The following ZNF219 variants were observed in gnomAD, a reference collection of about 807,000 sequenced individuals.
ZNF219 encodes the protein zinc finger protein 219.
In ZNF219, 17 loss-of-function variants were observed where a neutral mutation model predicts 54.4. That is an observed-to-expected ratio of 0.31 (90% confidence interval 0.21 to 0.47). The LOEUF (loss-of-function observed/expected upper bound fraction) is 0.47. Ranked by LOEUF, ZNF219 falls within the 20% of genes least tolerant of loss-of-function variation. The pLI, the probability that ZNF219 is intolerant of heterozygous loss-of-function variation, is 1.00. For missense variants in ZNF219, 1,014 were observed against 1,062.3 expected (o/e 0.95, Z 0.63); for synonymous variants, 518 against 476.4 (o/e 1.09, Z -1.14).
Position 21,090,639 on chromosome 14 carries a change from C to T in ZNF219, c.2066G>A (p.Arg689Gln), listed in dbSNP as rs768695625. Residue 689 changes from arginine (R) to glutamine (Q), a missense_variant, in exon 5 of 5, where the codon CGA becomes CAA. Coordinates refer to ENST00000360947, the MANE Select transcript of ZNF219 (RefSeq NM_016423.3). The surrounding 1 kb of genome is among the most constrained non-coding windows in gnomAD (Gnocchi z 4.4). ...GGGAGGGGTCTCTCCTGATGGTACT[C>T]GGGCATAGGGCGGGGACGCGTCAGC... ...PQADASPPYA[R>Q]VPSGETPPSP... is the part of the protein sequence containing the mutation. 8.1e-6 allele frequency: 13 copies of T among 1,612,546 alleles called. No homozygotes were observed. Among genetic ancestry groups the T allele is most frequent in the East Asian group, 4.5e-5 (2 of 44,864 alleles).
upstream of ZNF219, chr14:21,103,329 C>T: frequency 6.7e-7 from 1 of 1,498,220 alleles, no homozygotes; most frequent in East Asian, 2.5e-5. Flanking sequence ...CCTTCGAGTC[C>T]AATAGGAAGT....
rs1213377390 is a variant in ZNF219 at position 21,098,443 on chromosome 14, G to GCCCGGCCCCCGCCCCCTC, written c.-233_-216dup. 3 of 748,510 alleles carry GCCCGGCCCCCGCCCCCTC rather than the reference G, an allele frequency of 4.0e-6. No individual in the cohort carries two copies. Among genetic ancestry groups the GCCCGGCCCCCGCCCCCTC allele is most frequent in the African/African-American group, 3.9e-5 (2 of 51,170 alleles). 46.4% of individuals were successfully genotyped at this position (748,510 alleles called of 1,614,324 possible). A position where few individuals can be genotyped will look rare whatever the true frequency, so the allele number is the denominator to read the frequency against. ...CCGGGCCCCGGCCCCCCCGCCCCCG[G>GCCCGGCCCCCGCCCCCTC]CCCGGCCCCCGCCCCCTCCCCGGTC... is the stretch of plus-strand genomic sequence containing the variant. On this transcript the variant is annotated 5_prime_UTR_variant, in exon 1 of 5. Coordinates refer to ENST00000360947, the MANE Select transcript of ZNF219 (RefSeq NM_016423.3).
At chr14:21,095,087 GA>G (rs1387018174) in intron 1 of ZNF219, among the ~76,000 whole-genome samples, 1 of 152,204 alleles carries the variant, frequency 6.6e-6, no homozygotes, top group African/African-American at 2.4e-5. Flanking sequence ...TCAGCAGAGA[GA>G]AAAGGCTCTG....
upstream of ZNF219, chr14:21,101,958 C>A: frequency 6.4e-7 from 1 of 1,551,684 alleles, no homozygotes; most frequent in Non-Finnish European, 8.7e-7. Context: ...AGCGCTGCCT[C>A]TTGGGCCTGG....
At position 21,093,080 on chromosome 14, in the gene ZNF219, C is replaced by T. The variant is rs1157586326; in HGVS notation, c.217G>A (p.Ala73Thr). Residue 73 changes from alanine to threonine, a missense_variant, in exon 3 of 5, where the codon GCT becomes ACT. By Grantham distance (58) the Ala-to-Thr change is moderately conservative. Transcript: ENST00000360947. ...CCTGGGTGCGCCCGCAGGTGCAAAG[C>T]AAGGATAGAGTTGAAGCGGAAGCGC... ...GKRFRFNSIL[A>T]LHLRAHPGAQ... is the part of the protein sequence containing the mutation. 1.9e-6 allele frequency: 3 copies of T among 1,604,160 alleles called. No individual in the cohort carries two copies. Among genetic ancestry groups the T allele is most frequent in the Non-Finnish European group, 2.5e-6 (3 of 1,176,660 alleles).
At chr14:21,102,395 T>C (rs925314857), upstream of ZNF219, 1 of 1,551,652 alleles carries the variant, frequency 6.4e-7, no homozygotes, top group Non-Finnish European at 8.7e-7. Context: ...CTGAGCTGGC[T>C]CACTGGCAGG....
chr14:21,093,805 C>T, intron 1 of ZNF219, 131 bp from the exon 2 acceptor site: 1 of 783,500 alleles, frequency 1.3e-6, no homozygotes, highest in South Asian at 1.6e-5. Flanking sequence ...CTTCTTGAGG[C>T]ACGAAGGGGC....
upstream of ZNF219, chr14:21,102,882 G>C: frequency 6.9e-7 from 1 of 1,457,732 alleles, no homozygotes; most frequent in Non-Finnish European, 9.1e-7. Context: ...GGGCAGGAGA[G>C]AAAAGAAGAG....
upstream of ZNF219, chr14:21,101,492 C>A (rs756018855): frequency 1.3e-6 from 2 of 1,509,618 alleles, no homozygotes; most frequent in Admixed American, 2.0e-5. Context: ...AGCATGTCCA[C>A]TTCTACCCAA....
intron 1 of ZNF219, 103 bp from the exon 2 acceptor site, chr14:21,093,777 A>G (rs1333217984): frequency 2.8e-6 from 3 of 1,078,404 alleles, no homozygotes; most frequent in Non-Finnish European, 4.1e-6. Context: ...CCCAAAACCA[A>G]TCCATTCTCC....
exon 1 of ZNF219, chr14:21,104,642 G>A (rs1464151155): frequency 1.3e-5 from 2 of 152,244 alleles, no homozygotes; most frequent in Non-Finnish European, 2.9e-5. Flanking sequence ...TGAGGATAGA[G>A]CGCAGCCTGG....
chr14:21,091,197 C>T, intron 4 of ZNF219, 57 bp from the exon 5 acceptor site: 1 of 1,539,264 alleles, frequency 6.5e-7, no homozygotes, highest in South Asian at 1.2e-5. Flanking sequence ...CGCACCCACC[C>T]GAATTTCGCC....
Position 21,092,184 on chromosome 14 carries a change from C to T in ZNF219, c.1113G>A (p.Glu371=). The T allele has an allele frequency of 6.9e-7, 1 of 1,440,396 alleles. No homozygotes were observed. The highest frequency in any genetic ancestry group is 9.1e-7 in the Non-Finnish European group (1 of 1,103,586). 89.2% of individuals were successfully genotyped at this position (1,440,396 alleles called of 1,614,324 possible). A position where few individuals can be genotyped will look rare whatever the true frequency, so the allele number is the denominator to read the frequency against. ...CCAAGAGGCTCGGGGGCTCACGGCG[C>T]TCGGCCGGGGTGGGAGCCGGGGCCA... is the stretch of plus-strand genomic sequence containing the variant. The part of the protein sequence containing the change: ...LLLAPAPTPA[E]RREPPSLLGY... Residue 371 remains glutamate (E), a synonymous_variant, in exon 3 of 5, where the codon GAG becomes GAA. Coordinates refer to ENST00000360947, the MANE Select transcript of ZNF219 (RefSeq NM_016423.3).
At chr14:21,103,635 C>G (rs11849129), upstream of ZNF219, 12,300 of 196,056 alleles carry the variant, frequency 0.063, 1,096 homozygotes, top group African/African-American at 0.22. Flanking sequence ...TTCGATCCAT[C>G]TCCTTTCTAC....
rs1183080274 is a variant in ZNF219 at position 21,098,587 on chromosome 14, C to T, written c.-359G>A. The stretch of plus-strand genomic sequence containing the variant: ...GGGAGCCGGGCTCTGGCTCCGGGGA[C>T]AGGGAGCTGGGGACCCCGGGAGCCG... On this transcript the variant is annotated 5_prime_UTR_variant, in exon 1 of 5. Transcript: ENST00000360947. The T allele has an allele frequency of 2.0e-6, 2 of 997,734 alleles. No individual in the cohort carries two copies. The highest frequency in any genetic ancestry group is 2.4e-6 in the Non-Finnish European group (2 of 837,352). 61.8% of individuals were successfully genotyped at this position (997,734 alleles called of 1,614,324 possible). A position where few individuals can be genotyped will look rare whatever the true frequency, so the allele number is the denominator to read the frequency against.
intron 3 of ZNF219, 52 bp from the exon 4 acceptor site, chr14:21,091,594 T>C (rs1394052057): frequency 6.4e-7 from 1 of 1,555,040 alleles, no homozygotes; most frequent in East Asian, 2.3e-5. Flanking sequence ...CCTGTCCAGG[T>C]GCCGCGCACC....
chr14:21,092,629 G>A lies in ZNF219; in HGVS notation c.668C>T (p.Ser223Phe). 6.4e-7 allele frequency: 1 copy of A among 1,558,342 alleles called. No homozygotes were observed. The highest frequency in any genetic ancestry group is 1.9e-5 in the Admixed American group (1 of 51,780). ...GAPERPLAATSAAPPPQPQPQ... is the reference protein window; with the variant it reads ...GAPERPLAATFAAPPPQPQPQ... ...CTGAGGCTGAGGCGGAGGCGCAGCG[G>A]AGGTGGCCGCCAGGGGACGCTCGGG... The change falls in exon 3 of 5, where the codon TCC becomes TTC. Residue 223 changes from serine to phenylalanine, a missense_variant. This residue lies in a region of ZNF219 where 395 missense variants were observed against 415.1 expected (regional missense o/e 0.95). Coordinates refer to ENST00000360947, the MANE Select transcript of ZNF219 (RefSeq NM_016423.3).
chr14:21,104,504 A>T (rs1309209033), intron 1 of ZNF219: 1 of 152,166 alleles, frequency 6.6e-6, no homozygotes, highest in East Asian at 1.9e-4. Context: ...GTACCAAGAG[A>T]ACTCACCCCA....
At chr14:21,091,681 G>T in intron 3 of ZNF219, 139 bp from the exon 4 acceptor site, 1 of 1,466,330 alleles carries the variant, frequency 6.8e-7, no homozygotes, top group East Asian at 2.4e-5. Context: ...TAGATTTGTT[G>T]TGACTAAAGA....
Sources: allele counts gnomAD v4.1 joint callset (sites outside exome capture counted in the v4.1 genomes callset), GRCh38; gene constraint gnomAD v4.1.1; regional missense constraint gnomAD v4.1.1; non-coding constraint Gnocchi (gnomAD v3.1); transcripts MANE v1.5; gene names NCBI Gene and HGNC (gene_info 2026-07-23, HGNC 2026-07-21).